NID1: variants seen among roughly 807,000 people sequenced by gnomAD.
NID1 encodes nidogen 1.
NID1 carries 76 observed loss-of-function variants against 130.6 expected under a neutral mutation model. The ratio of observed to expected loss-of-function variants is 0.58; its 90% CI spans 0.48 to 0.70. The LOEUF (loss-of-function observed/expected upper bound fraction) is 0.70. Ranked by LOEUF, NID1 falls within the 30% of genes least tolerant of loss-of-function variation. NID1 has a pLI of 0.00. For missense variants in NID1, 1,517 were observed against 1,664.8 expected, an observed-to-expected ratio of 0.91 and a Z score of 1.54; for synonymous variants, 665 against 675.1, an observed-to-expected ratio of 0.98 and a Z score of 0.23.
chr1:236,011,460 G>A (rs939738679), intron 12 of NID1, among the ~76,000 whole-genome samples: 32 of 151,960 alleles, frequency 2.1e-4, no homozygotes, highest in African/African-American at 6.5e-4. Flanking sequence ...AAGCCACTAC[G>A]CCTGACTAAT....
intron 13 of NID1, among the ~76,000 whole-genome samples, chr1:235,991,909 A>C (rs1657751331): frequency 6.6e-6 from 1 of 152,188 alleles, no homozygotes; most frequent in Admixed American, 6.5e-5. Flanking sequence ...ACAAGCAAGA[A>C]CATGACGTTT....
At chr1:236,010,052 T>C (rs1194025725) in intron 12 of NID1, among the ~76,000 whole-genome samples, 3 of 152,224 alleles carry the variant, frequency 2.0e-5, no homozygotes, top group African/African-American at 7.2e-5. Context: ...AAACATCTGC[T>C]TCTCTTTAAA....
At position 236,032,397 on chromosome 1, in the gene NID1, T is replaced by C; in HGVS notation, c.1537+4A>G. ...CACTAATTTTAATGTCGGATATAAATTACCGGTGATGCTGAACCCATTCTT... is the reference window on the plus strand; with the variant it reads ...CACTAATTTTAATGTCGGATATAAACTACCGGTGATGCTGAACCCATTCTT... On this transcript the variant is annotated splice_donor_region_variant and intron_variant, in intron 6 of 19. Transcript: ENST00000264187. 2 of 1,613,256 alleles carry C rather than the reference T, an allele frequency of 1.2e-6. No homozygotes were observed. Among genetic ancestry groups the C allele is most frequent in the Non-Finnish European group, 1.7e-6 (2 of 1,179,568 alleles).
chr1:236,029,551 T>C lies in NID1; in HGVS notation c.1737A>G (p.Ser579=). Residue 579 remains serine (S), a splice_region_variant and synonymous_variant, in exon 7 of 20, where the codon TCA becomes TCG. Coordinates refer to ENST00000264187, the MANE Select transcript of NID1 (RefSeq NM_002508.3). ...CCCTGGGACACAGCTGGGGCTCACC[T>C]GAGGTGGAGTAGTGGTACAGCTCCG... ...PYTELYHYST[S]VITSSSTREY... 1.3e-6 allele frequency: 2 copies of C among 1,556,492 alleles called. No individual in the cohort carries two copies. The highest frequency in any genetic ancestry group is 2.4e-5 in the East Asian group (1 of 41,384).
At chr1:236,059,137 A>G (rs535038859) in intron 1 of NID1, among the ~76,000 whole-genome samples, 79 of 152,316 alleles carry the variant, frequency 5.2e-4, no homozygotes, top group African/African-American at 1.9e-3. Flanking sequence ...AGAACCAAGA[A>G]CGGAACACAC....
chr1:236,009,427 C>A (rs550735288), intron 12 of NID1, among the ~76,000 whole-genome samples: 2 of 152,162 alleles, frequency 1.3e-5, no homozygotes, highest in Admixed American at 6.5e-5. Flanking sequence ...GCCAGAGCAG[C>A]CCCAAACAGA....
At chr1:236,060,266 G>A (rs1660004315) in intron 1 of NID1, among the ~76,000 whole-genome samples, 1 of 152,104 alleles carries the variant, frequency 6.6e-6, no homozygotes, top group African/African-American at 2.4e-5. Flanking sequence ...ACATTTCCAT[G>A]GCATTTGTAA....
intron 1 of NID1, among the ~76,000 whole-genome samples, chr1:236,057,274 T>C (rs12409606): frequency 0.21 from 32,010 of 151,760 alleles, 4,061 homozygotes; most frequent in East Asian, 0.34. Flanking sequence ...AGTACATGGA[T>C]TATGGGATCG....
At chr1:236,021,194 A>G (rs1423030618) in intron 9 of NID1, among the ~76,000 whole-genome samples, 1 of 152,180 alleles carries the variant, frequency 6.6e-6, no homozygotes, top group African/African-American at 2.4e-5. Context: ...ACACACACAC[A>G]CAGCATCATG....
chr1:236,037,736 A>T (rs529845943), intron 5 of NID1, among the ~76,000 whole-genome samples: 7 of 152,120 alleles, frequency 4.6e-5, no homozygotes, highest in African/African-American at 1.7e-4. Flanking sequence ...CATGAAAGAG[A>T]TTTCAAAGAA....
intron 5 of NID1, 31 bp downstream of exon 5, chr1:236,038,073 C>T (rs368484898): frequency 4.2e-5 from 66 of 1,576,818 alleles, no homozygotes; most frequent in Admixed American, 6.9e-5. Flanking sequence ...CTCCTTCTCC[C>T]GCATGAAACG....
At chr1:235,978,754 CCTATGCTTTTATAT>C (rs1657345748) in intron 19 of NID1, among the ~76,000 whole-genome samples, 1 of 152,094 alleles carries the variant, frequency 6.6e-6, no homozygotes, top group African/African-American at 2.4e-5. Flanking sequence ...ACCTGAAGAC[CCTATGCTTTTATAT>C]CCAGCCCAAA....
At chr1:236,021,259 CAGGAAATACTGGG>C (rs1404884422) in intron 9 of NID1, among the ~76,000 whole-genome samples, 2 of 152,156 alleles carry the variant, frequency 1.3e-5, no homozygotes, top group African/African-American at 4.8e-5. Flanking sequence ...AGGCTCTTTG[CAGGAAATACTGGG>C]AAACTGACGA....
Position 235,985,419 on chromosome 1 carries a change from A to C in NID1, c.3015T>G (p.Ala1005=). 1 of 1,614,120 alleles carries C rather than the reference A, an allele frequency of 6.2e-7. No individual in the cohort carries two copies. The change falls in exon 15 of 20, where the codon GCT becomes GCG. Residue 1005 remains alanine, a synonymous_variant. Transcript: ENST00000264187. ...TDITEPSIGR[A]SLHGGEPTTI... ...TGGTTGGCTCTCCACCATGTAGACT[A>C]GCTCTCCCAATGGAAGGCTCAGTGA...
rs758727587 is a variant in NID1, at chr1:235,977,824, G to A, written c.*43C>T. 6.2e-7 allele frequency: 1 copy of A among 1,606,714 alleles called. No homozygotes were observed. The highest frequency in any genetic ancestry group is 1.1e-5 in the South Asian group (1 of 90,226). On this transcript the variant is annotated 3_prime_UTR_variant, in exon 20 of 20. Transcript: ENST00000264187. Reference sequence around the variant, plus strand: ...TGGACCAAGTTGCTTCAAGTAGAGTGTTGCTGTGAAATACTTGGAAAGGAA... The same window carrying A: ...TGGACCAAGTTGCTTCAAGTAGAGTATTGCTGTGAAATACTTGGAAAGGAA...
chr1:236,008,527 G>A (rs1443907098), intron 12 of NID1, among the ~76,000 whole-genome samples: 1 of 152,106 alleles, frequency 6.6e-6, no homozygotes, highest in Non-Finnish European at 1.5e-5. Flanking sequence ...TAGAGATGGA[G>A]TCTTTCTCTG....
chr1:236,022,485 C>T (rs1245614197), intron 9 of NID1, among the ~76,000 whole-genome samples: 1 of 151,228 alleles, frequency 6.6e-6, no homozygotes, highest in Non-Finnish European at 1.5e-5. Flanking sequence ...GGACTACAGA[C>T]ACCTGCCACC....
In NID1 at chr1:235,979,604, C is replaced by T. The variant is rs1657371903; in HGVS notation, c.3509+218G>A. ...TCAGGAGCATCTGGATGATAAATGG[C>T]ACCTCCTGTCCCCTAGGGCCTTGTC... On this transcript the variant is annotated intron_variant, in intron 18 of 19. Transcript: ENST00000264187. This position sits in a 1 kb window ranked among gnomAD's most constrained non-coding sequence, Gnocchi z 4.6. Among the ~76,000 whole-genome samples, 1 of 152,184 alleles carries T rather than the reference C, an allele frequency of 6.6e-6. No individual in the cohort carries two copies. The highest frequency in any genetic ancestry group is 2.4e-5 in the African/African-American group (1 of 41,458).
intron 19 of NID1, 77 bp from the exon 20 acceptor site, chr1:235,978,065 C>T (rs1657322419): frequency 6.5e-7 from 1 of 1,534,752 alleles, no homozygotes; most frequent in South Asian, 1.2e-5. Flanking sequence ...TGGGCTCCTT[C>T]TTGTGTGTGA....
Sources: gnomAD v4.1 joint callset for allele counts (sites outside exome capture counted in the v4.1 genomes callset) on GRCh38, gnomAD v4.1.1 for gene constraint, Gnocchi (gnomAD v3.1) non-coding constraint, MANE v1.5 for transcripts, NCBI Gene and HGNC (gene_info 2026-07-23, HGNC 2026-07-21) for gene names.